HGD: variants seen among roughly 807,000 people sequenced by gnomAD.
The protein encoded by HGD is homogentisate oxidase.
Under a neutral mutation model 60.8 loss-of-function variants are expected in HGD, and 61 were observed. The observed-to-expected ratio is 1.00, with a 90% CI of 0.82 to 1.24. HGD has a LOEUF of 1.24. HGD is among the 50% of genes most tolerant of loss of function. The probability of loss-of-function intolerance (pLI) is 0.00; values close to 1 mark genes in which losing one functional copy is unlikely to be tolerated. For synonymous variants in HGD, 212 were observed against 187.7 expected (o/e 1.13, Z -1.06); for missense variants, 542 against 547.1 (o/e 0.99, Z 0.09).
At chr3:120,641,222 A>C (rs1373341055) in intron 11 of HGD, among the ~76,000 whole-genome samples, 1 of 152,136 alleles carries the variant, frequency 6.6e-6, no homozygotes, top group Non-Finnish European at 1.5e-5. Context: ...GGGGTCAGGG[A>C]CTTCTCCAAA....
intron 12 of HGD, among the ~76,000 whole-genome samples, chr3:120,634,040 T>C (rs917580244): frequency 4.6e-5 from 7 of 152,186 alleles, no homozygotes; most frequent in Admixed American, 3.3e-4. Flanking sequence ...ACCCTATTCA[T>C]AGAGTCCTAA....
intron 4 of HGD, among the ~76,000 whole-genome samples, chr3:120,656,469 A>G (rs553958802): frequency 6.6e-6 from 1 of 152,360 alleles, no homozygotes; most frequent in East Asian, 1.9e-4. Flanking sequence ...AGTAGGCATT[A>G]ATATTTGTTG....
intron 13 of HGD, among the ~76,000 whole-genome samples, chr3:120,629,959 TA>T (rs1940532101): frequency 6.6e-6 from 1 of 152,032 alleles, no homozygotes; most frequent in African/African-American, 2.4e-5. Flanking sequence ...CAAAAATCAC[TA>T]GCATTCCTAT....
intron 4 of HGD, among the ~76,000 whole-genome samples, chr3:120,653,934 G>C (rs972657337): frequency 2.0e-5 from 3 of 152,178 alleles, no homozygotes; most frequent in African/African-American, 7.2e-5. Flanking sequence ...ATTCCACCAA[G>C]CTGTAACAAC....
chr3:120,654,742 T>C (rs1941443471), intron 4 of HGD, among the ~76,000 whole-genome samples: 1 of 152,354 alleles, frequency 6.6e-6, no homozygotes, highest in Admixed American at 6.5e-5. Context: ...TTTGTTGTAC[T>C]GGGACAATAT....
intron 4 of HGD, among the ~76,000 whole-genome samples, chr3:120,663,072 C>T (rs2107536553): frequency 6.6e-6 from 1 of 152,180 alleles, no homozygotes; most frequent in South Asian, 2.1e-4. Context: ...TCTTGGAATC[C>T]AGAACTGTTA....
chr3:120,655,436 G>A (rs951635239), intron 4 of HGD, among the ~76,000 whole-genome samples: 2 of 152,206 alleles, frequency 1.3e-5, no homozygotes, highest in Non-Finnish European at 2.9e-5. Flanking sequence ...AGTATAGGGA[G>A]AGGAGTCATT....
At chr3:120,653,179 A>G (rs1174993119) in intron 4 of HGD, among the ~76,000 whole-genome samples, 2 of 152,226 alleles carry the variant, frequency 1.3e-5, no homozygotes, top group African/African-American at 4.8e-5. Flanking sequence ...TGGTAAATGC[A>G]GTACCAGGTT....
intron 4 of HGD, among the ~76,000 whole-genome samples, chr3:120,653,591 C>A (rs1941406947): frequency 1.3e-5 from 2 of 152,176 alleles, no homozygotes; most frequent in Non-Finnish European, 1.5e-5. Context: ...GCCTCTCTGA[C>A]ACACACAGTC....
intron 4 of HGD, among the ~76,000 whole-genome samples, chr3:120,656,571 G>GA (rs1424797319): frequency 6.6e-6 from 1 of 150,996 alleles, no homozygotes; most frequent in East Asian, 2.0e-4. Context: ...TTTGGGGGGG[G>GA]GTTGGAGTCG....
intron 6 of HGD, among the ~76,000 whole-genome samples, chr3:120,649,149 T>C (rs1397964259): frequency 3.8e-4 from 55 of 145,610 alleles, no homozygotes; most frequent in Non-Finnish European, 6.2e-4. Flanking sequence ...CTTTTTTTTT[T>C]TTTTTTTTTT....
intron 1 of HGD, among the ~76,000 whole-genome samples, chr3:120,679,696 T>C (rs946146007): frequency 1.3e-5 from 2 of 152,074 alleles, no homozygotes; most frequent in South Asian, 4.2e-4. Flanking sequence ...AAAGCAGAGA[T>C]ACATTTTTTT....
intron 13 of HGD, among the ~76,000 whole-genome samples, chr3:120,631,931 C>T (rs1940605131): frequency 6.6e-6 from 1 of 152,200 alleles, no homozygotes; most frequent in Non-Finnish European, 1.5e-5. Context: ...TCCCTCATAA[C>T]ATTGACTACC....
At chr3:120,673,736 A>G (rs1302962799) in intron 3 of HGD, among the ~76,000 whole-genome samples, 2 of 152,210 alleles carry the variant, frequency 1.3e-5, no homozygotes, top group African/African-American at 4.8e-5. Flanking sequence ...TATGATGGCA[A>G]TACTTAATGA....
chr3:120,634,105 A>G (rs758884448), intron 12 of HGD, among the ~76,000 whole-genome samples: 1 of 152,134 alleles, frequency 6.6e-6, no homozygotes, highest in African/African-American at 2.4e-5. Context: ...AAATTTCTAT[A>G]TCTTTCCTGA....
intron 6 of HGD, among the ~76,000 whole-genome samples, chr3:120,649,529 T>G (rs1043933531): frequency 6.6e-5 from 10 of 152,134 alleles, no homozygotes; most frequent in African/African-American, 2.2e-4. Context: ...TTCTAAATGG[T>G]CTACTCCATT....
At chr3:120,652,074 T>C (rs182743899) in intron 5 of HGD, among the ~76,000 whole-genome samples, 54 of 152,308 alleles carry the variant, frequency 3.5e-4, no homozygotes, top group African/African-American at 1.3e-3. Flanking sequence ...CCTCAAAGTA[T>C]ATTTATGCTC....
chr3:120,664,746 T>G (rs1482803567), intron 4 of HGD, among the ~76,000 whole-genome samples: 1 of 152,134 alleles, frequency 6.6e-6, no homozygotes, highest in Admixed American at 6.5e-5. Flanking sequence ...TTATTTTAAA[T>G]TACTCTTGGT....
intron 4 of HGD, among the ~76,000 whole-genome samples, chr3:120,667,568 T>C (rs1204276946): frequency 6.6e-6 from 1 of 151,846 alleles, no homozygotes; most frequent in Non-Finnish European, 1.5e-5. Context: ...AAAGGTTAGG[T>C]TTAAAACCTA....
Sources: gnomAD v4.1 joint callset for allele counts (sites outside exome capture counted in the v4.1 genomes callset) on GRCh38, gnomAD v4.1.1 for gene constraint, MANE v1.5 for transcripts, NCBI Gene and HGNC (gene_info 2026-07-23, HGNC 2026-07-21) for gene names.